Variants in CSNK1G3 observed in about 807,000 individuals in gnomAD.
CSNK1G3 encodes the protein casein kinase 1 gamma 3.
CSNK1G3 carries 23 observed loss-of-function variants against 64.3 expected under a neutral mutation model. The observed-to-expected ratio is 0.36, with a 90% confidence interval of 0.26 to 0.51. The LOEUF is 0.51. Among genes scored for constraint, CSNK1G3 ranks in the 20% least tolerant of loss-of-function variants. The probability of loss-of-function intolerance (pLI) is 0.96; values close to 1 mark genes in which losing one functional copy is unlikely to be tolerated. For missense variants in CSNK1G3, 357 were observed against 510.5 expected (o/e 0.70, Z 2.90); for synonymous variants, 158 against 162.2 (o/e 0.97, Z 0.20).
At chr5:123,607,649 G>C (rs976117606) in intron 12 of CSNK1G3, among the ~76,000 whole-genome samples, 4 of 152,036 alleles carry the variant, frequency 2.6e-5, no homozygotes, top group African/African-American at 9.7e-5. Context: ...ATTAGATAGT[G>C]GTGATAGCTG....
At chr5:123,557,705 T>C (rs1490216560) in intron 4 of CSNK1G3, 141 bp downstream of exon 4, 2 of 575,308 alleles carry the variant, frequency 3.5e-6, no homozygotes, top group Non-Finnish European at 6.1e-6. Context: ...ACTATGGTCT[T>C]AGGATCCCTT....
chr5:123,538,566 C>T (rs1181111988), intron 1 of CSNK1G3, among the ~76,000 whole-genome samples: 1 of 152,052 alleles, frequency 6.6e-6, no homozygotes, highest in Non-Finnish European at 1.5e-5. Context: ...GAATATCACA[C>T]ACTGGGGCCT....
At chr5:123,541,579 C>T (rs1781685312) in intron 1 of CSNK1G3, among the ~76,000 whole-genome samples, 2 of 152,200 alleles carry the variant, frequency 1.3e-5, no homozygotes, top group Middle Eastern at 3.4e-3. Flanking sequence ...CAGGTGTGTG[C>T]CACCACTCCC....
intron 4 of CSNK1G3, among the ~76,000 whole-genome samples, chr5:123,558,020 G>T (rs1256481479): frequency 6.6e-6 from 1 of 152,138 alleles, no homozygotes; most frequent in Non-Finnish European, 1.5e-5. Context: ...TCTGGTGGGG[G>T]CAGAGGGACA....
chr5:123,596,874 G>A (rs1793538486), intron 10 of CSNK1G3, among the ~76,000 whole-genome samples: 1 of 152,098 alleles, frequency 6.6e-6, no homozygotes, highest in African/African-American at 2.4e-5. Flanking sequence ...GACAGCCTAA[G>A]TAGGATCATG....
At chr5:123,530,632 C>T (rs935519842) in intron 1 of CSNK1G3, among the ~76,000 whole-genome samples, 14 of 152,090 alleles carry the variant, frequency 9.2e-5, no homozygotes, top group African/African-American at 2.4e-4. Flanking sequence ...GGGCCCTGAT[C>T]CACAGTTTGG....
intron 1 of CSNK1G3, among the ~76,000 whole-genome samples, chr5:123,529,128 TTAAA>T (rs1480711042): frequency 5.3e-5 from 8 of 152,178 alleles, no homozygotes; most frequent in Admixed American, 1.3e-4. Context: ...AATTCATGTG[TTAAA>T]TAAACTGAGT....
chr5:123,547,218 G>A (rs1327090314), intron 2 of CSNK1G3, among the ~76,000 whole-genome samples: 2 of 151,978 alleles, frequency 1.3e-5, no homozygotes, highest in South Asian at 2.1e-4. Flanking sequence ...AGGGCTTCAC[G>A]TTTTTCTTTA....
intron 6 of CSNK1G3, among the ~76,000 whole-genome samples, chr5:123,581,066 C>G (rs1480445600): frequency 1.3e-5 from 2 of 151,796 alleles, no homozygotes; most frequent in Non-Finnish European, 2.9e-5. Flanking sequence ...TTTCTGAGGC[C>G]TGCTCTTTAA....
chr5:123,526,022 A>G (rs1779003934), intron 1 of CSNK1G3, among the ~76,000 whole-genome samples: 2 of 151,526 alleles, frequency 1.3e-5, no homozygotes, highest in South Asian at 4.2e-4. Context: ...AAAAGTAGAA[A>G]TACTTTATAG....
chr5:123,615,535 T>A (rs1430731704), exon 13 of CSNK1G3: 4 of 152,438 alleles, frequency 2.6e-5, no homozygotes, highest in African/African-American at 7.2e-5. Context: ...TTGAAAAATA[T>A]TTTGGAAAGG....
chr5:123,597,904 A>G (rs1208635590), intron 10 of CSNK1G3, among the ~76,000 whole-genome samples: 1 of 152,188 alleles, frequency 6.6e-6, no homozygotes, highest in Non-Finnish European at 1.5e-5. Context: ...AGGAAGTGTT[A>G]GATAAGTAGA....
At position 123,605,335 on chromosome 5, in the gene CSNK1G3, A is replaced by G. The variant is rs757311389; in HGVS notation, c.1194-4A>G. On this transcript the variant is annotated splice_polypyrimidine_tract_variant and splice_region_variant and intron_variant, in intron 11 of 12. Coordinates refer to ENST00000345990, the Ensembl canonical transcript of CSNK1G3. ...TGTATTTTTTTTTTTGTGTGTGCGT[A>G]TAGCTGCCAGAAAGTGTTGAACATG... 6.2e-7 allele frequency: 1 copy of G among 1,606,408 alleles called. No individual in the cohort carries two copies. Among genetic ancestry groups the G allele is most frequent in the Non-Finnish European group, 8.5e-7 (1 of 1,177,474 alleles).
chr5:123,553,540 C>T (rs1784079950), intron 3 of CSNK1G3, among the ~76,000 whole-genome samples: 1 of 152,140 alleles, frequency 6.6e-6, no homozygotes, highest in Non-Finnish European at 1.5e-5. Flanking sequence ...AAACATACTT[C>T]CAGGTAGCTT....
At chr5:123,526,962 G>T (rs1441849390) in intron 1 of CSNK1G3, among the ~76,000 whole-genome samples, 3 of 151,436 alleles carry the variant, frequency 2.0e-5, no homozygotes, top group Admixed American at 6.6e-5. Context: ...GTTTAACTTT[G>T]TAAGAAACTG....
Position 123,553,696 on chromosome 5 carries a change from G to A in CSNK1G3, c.219+549G>A, listed in dbSNP as rs1784109664. Among the ~76,000 whole-genome samples, 2 of 152,194 alleles carry A rather than the reference G, an allele frequency of 1.3e-5. 1 individual carries two copies. Among genetic ancestry groups the A allele is most frequent in the South Asian group, 4.1e-4 (2 of 4,836 alleles). On this transcript the variant is annotated intron_variant, in intron 3 of 12. Transcript: ENST00000345990. Reference sequence around the variant, plus strand: ...GTGGAATTATTCTGAAGTTTTCAATGTGCCCAGTATGACAGCTGCAGAGCA... The same window carrying A: ...GTGGAATTATTCTGAAGTTTTCAATATGCCCAGTATGACAGCTGCAGAGCA...
intron 1 of CSNK1G3, among the ~76,000 whole-genome samples, chr5:123,521,987 G>A (rs951631298): frequency 2.0e-5 from 3 of 152,142 alleles, no homozygotes; most frequent in Admixed American, 6.5e-5. Flanking sequence ...CCAGTGTCCT[G>A]CAGGGTTGAA....
Position 123,595,019 on chromosome 5 carries a change from A to G in CSNK1G3, c.1086+3605A>G, listed in dbSNP as rs1172525106. The G allele has an allele frequency of 1.4e-5, 23 of 1,603,452 alleles. No individual in the cohort carries two copies. Among genetic ancestry groups the G allele is most frequent in the Non-Finnish European group, 1.8e-5 (21 of 1,170,732 alleles). On this transcript the variant is annotated intron_variant, in intron 10 of 12. Transcript: ENST00000345990. ...GTTTTTCTTCTTCCATGCATGCCAT[A>G]TGCATTAAATAAATGGCAGTCGGCA...
At chr5:123,563,655 G>A (rs962850314) in intron 4 of CSNK1G3, among the ~76,000 whole-genome samples, 1 of 152,026 alleles carries the variant, frequency 6.6e-6, no homozygotes, top group Non-Finnish European at 1.5e-5. Context: ...GTTAAAAGTT[G>A]TGGGTATAAA....
Sources: allele counts gnomAD v4.1 joint callset (sites outside exome capture counted in the v4.1 genomes callset), GRCh38; gene constraint gnomAD v4.1.1; transcripts MANE v1.5; gene names NCBI Gene and HGNC (gene_info 2026-07-23, HGNC 2026-07-21).